The following TMEM131 variants were observed in gnomAD, a reference collection of about 807,000 sequenced individuals.
TMEM131 encodes 2610524E03Rik.
In TMEM131, 66 loss-of-function variants were observed where a neutral mutation model predicts 211.6. The ratio of observed to expected loss-of-function variants is 0.31; its 90% CI spans 0.26 to 0.38. TMEM131 has a LOEUF of 0.38. Ranked by LOEUF, TMEM131 falls within the 10% of genes least tolerant of loss-of-function variation. The pLI is 1.00. For synonymous variants in TMEM131, 844 were observed against 841.3 expected, an observed-to-expected ratio of 1.00 and a Z score of -0.06; for missense variants, 2,036 against 2,299.3, an observed-to-expected ratio of 0.89 and a Z score of 2.34.
intron 11 of TMEM131, among the ~76,000 whole-genome samples, chr2:97,824,434 A>G (rs947224016): frequency 6.6e-6 from 1 of 152,222 alleles, no homozygotes; most frequent in African/African-American, 2.4e-5. Context: ...GTCCATTACC[A>G]TCCGAGGAAT....
chr2:97,845,094 T>C (rs1394723592), intron 5 of TMEM131, among the ~76,000 whole-genome samples: 1 of 151,824 alleles, frequency 6.6e-6, no homozygotes, highest in African/African-American at 2.4e-5. Context: ...AATTATTCTT[T>C]TGTTGCATTA....
intron 30 of TMEM131, 116 bp downstream of exon 30, chr2:97,793,279 C>T: frequency 9.0e-7 from 1 of 1,116,776 alleles, no homozygotes; most frequent in Non-Finnish European, 1.3e-6. Context: ...ATTAAGTAAT[C>T]AGAATTAAGA....
intron 29 of TMEM131, among the ~76,000 whole-genome samples, chr2:97,794,097 GCT>G (rs955264590): frequency 5.5e-4 from 81 of 147,608 alleles, no homozygotes; most frequent in African/African-American, 1.9e-3. Flanking sequence ...ACAAAGTTTC[GCT>G]CTTATTGCCC....
intron 1 of TMEM131, among the ~76,000 whole-genome samples, chr2:97,938,321 G>A (rs930344325): frequency 2.0e-5 from 3 of 152,078 alleles, no homozygotes; most frequent in Non-Finnish European, 4.4e-5. Flanking sequence ...TCAAAATAAA[G>A]GGGTGGAGGA....
At chr2:97,790,423 A>G (rs1680448251) in intron 31 of TMEM131, among the ~76,000 whole-genome samples, 1 of 152,224 alleles carries the variant, frequency 6.6e-6, no homozygotes, top group African/African-American at 2.4e-5. Flanking sequence ...CTGTCTCCTC[A>G]CAGGCTCAAG....
chr2:97,993,328 TGAAAAACTCAACA>T (rs1221750123), intron 1 of TMEM131, among the ~76,000 whole-genome samples: 2 of 152,216 alleles, frequency 1.3e-5, no homozygotes, highest in African/African-American at 4.8e-5. Context: ...CCAAACTTGC[TGAAAAACTCAACA>T]GTACCTTTTA....
Position 97,814,315 on chromosome 2 carries a change from T to C in TMEM131, c.1366A>G (p.Ile456Val), listed in dbSNP as rs183980080. The C allele has an allele frequency of 3.6e-5, 58 of 1,613,888 alleles. No individual in the cohort carries two copies. The highest frequency in any genetic ancestry group is 3.6e-4 in the East Asian group (16 of 44,864). Residue 456 changes from isoleucine (I) to valine (V), a missense_variant, in exon 14 of 41, where the codon ATT becomes GTT. Transcript: ENST00000186436. ...AAACTGAAAGTGTTAGTAAGGTAAA[T>C]TGGCCTTTCCACAGGATCAGCAGGG... is the stretch of plus-strand genomic sequence containing the variant. ...DSPADPVERP[I>V]YLTNTFSFAI...
At chr2:97,893,255 T>A (rs1401884851) in intron 3 of TMEM131, among the ~76,000 whole-genome samples, 1 of 152,234 alleles carries the variant, frequency 6.6e-6, no homozygotes, top group Admixed American at 6.5e-5. Context: ...TATTCCATGG[T>A]GTATATGTGC....
chr2:97,884,793 T>G (rs951327165), intron 4 of TMEM131, among the ~76,000 whole-genome samples: 1 of 152,256 alleles, frequency 6.6e-6, no homozygotes, highest in Non-Finnish European at 1.5e-5. Context: ...CCCTTCACTC[T>G]CAGTCTGTAT....
chr2:97,928,790 T>C (rs914957277), intron 1 of TMEM131, among the ~76,000 whole-genome samples: 4 of 151,820 alleles, frequency 2.6e-5, no homozygotes, highest in Admixed American at 2.0e-4. Flanking sequence ...GAGCCAGGTG[T>C]CTCACTGTTG....
At position 97,983,615 on chromosome 2, in the gene TMEM131, G is replaced by A. The variant is rs1052383075; in HGVS notation, c.187+11861C>T. Among the ~76,000 whole-genome samples, 8 of 152,132 alleles carry A rather than the reference G, an allele frequency of 5.3e-5. No homozygotes were observed. In the South Asian group the frequency reaches 1.2e-3, roughly 24 times the overall value. ...TGATCAATTAAGCAGCTGACCAATG[G>A]TTACCTCCTCCTCCTTGCTCTTTAC... On this transcript the variant is annotated intron_variant, in intron 1 of 40. Coordinates refer to ENST00000186436, the MANE Select transcript of TMEM131 (RefSeq NM_015348.2).
chr2:97,985,692 A>T (rs1679994118), intron 1 of TMEM131, among the ~76,000 whole-genome samples: 1 of 152,040 alleles, frequency 6.6e-6, no homozygotes, highest in African/African-American at 2.4e-5. Flanking sequence ...AGAAAAAAAA[A>T]TACCCTGGGA....
chr2:97,809,217 C>G (rs1482639022), intron 19 of TMEM131, among the ~76,000 whole-genome samples: 1 of 152,182 alleles, frequency 6.6e-6, no homozygotes, highest in African/African-American at 2.4e-5. Flanking sequence ...TCCATTTTCT[C>G]TCTTAAAACT....
chr2:97,839,312 AAACCAACCAACC>A (rs56114114), intron 7 of TMEM131, among the ~76,000 whole-genome samples: 56,095 of 148,336 alleles, frequency 0.38, 11,814 homozygotes, highest in African/African-American at 0.53. Flanking sequence ...GGTGTCTGGA[AAACCAACCAACC>A]AACCAACCAA....
At chr2:97,911,437 G>C (rs1267360198) in intron 2 of TMEM131, among the ~76,000 whole-genome samples, 1 of 152,094 alleles carries the variant, frequency 6.6e-6, no homozygotes, top group Non-Finnish European at 1.5e-5. Context: ...GCAGTTTATT[G>C]TATGTCATTT....
chr2:97,852,862 G>A (rs569820627), intron 5 of TMEM131, among the ~76,000 whole-genome samples: 3 of 152,322 alleles, frequency 2.0e-5, no homozygotes, highest in African/African-American at 7.2e-5. Context: ...TGAAGCCAGT[G>A]CTCATCTGCC....
intron 1 of TMEM131, among the ~76,000 whole-genome samples, chr2:97,960,236 C>G (rs1678758832): frequency 6.6e-6 from 1 of 152,162 alleles, no homozygotes; most frequent in Non-Finnish European, 1.5e-5. Flanking sequence ...TTGACAATTC[C>G]TGCCTGAGTC....
rs368462899 is a variant in TMEM131 at position 97,762,251 on chromosome 2, T to A, written c.4724-51A>T. The A allele has an allele frequency of 9.6e-6, 15 of 1,564,322 alleles. No homozygotes were observed. The African/African-American group carries it at 2.0e-4, about 21-fold the overall frequency. ...GTTAGTGTGGTGTTTTGATTAGCGC[T>A]CTTCCAAATCACTTTGAATGTTCTC... On this transcript the variant is annotated intron_variant, in intron 35 of 40. Transcript: ENST00000186436.
chr2:97,790,471 G>A (rs1207623095), intron 31 of TMEM131, among the ~76,000 whole-genome samples: 1 of 152,174 alleles, frequency 6.6e-6, no homozygotes, highest in African/African-American at 2.4e-5. Context: ...CCCTCACTGA[G>A]TATCTCTTAG....
Sources: gnomAD v4.1 joint callset for allele counts (sites outside exome capture counted in the v4.1 genomes callset) on GRCh38, gnomAD v4.1.1 for gene constraint, MANE v1.5 for transcripts, NCBI Gene and HGNC (gene_info 2026-07-23, HGNC 2026-07-21) for gene names.